The following SNED1 variants were observed in gnomAD, a reference collection of about 807,000 sequenced individuals.
SNED1 encodes the protein sushi, nidogen and EGF like domains 1, also known as sushi, nidogen and EGF-like domain-containing protein 1.
SNED1 carries 81 observed loss-of-function variants against 166.7 expected under a neutral mutation model. That is an observed-to-expected ratio of 0.49 (90% CI 0.41 to 0.58). The LOEUF is 0.58. Ranked by LOEUF, SNED1 falls within the 20% of genes least tolerant of loss-of-function variation. SNED1 has a pLI of 0.00. For synonymous variants in SNED1, 762 were observed against 822.0 expected (o/e 0.93, Z 1.25); for missense variants, 1,604 against 2,000.2 (o/e 0.80, Z 3.78).
At chr2:241,088,479 C>A in intron 31 of SNED1, 77 bp downstream of exon 31, 3 of 1,174,914 alleles carry the variant, frequency 2.6e-6, no homozygotes, top group Non-Finnish European at 2.6e-6. Context: ...CCCGGGATCT[C>A]AGAGTGCCGC....
intron 27 of SNED1, among the ~76,000 whole-genome samples, chr2:241,077,868 T>A (rs905484343): frequency 2.6e-5 from 4 of 152,180 alleles, no homozygotes; most frequent in Non-Finnish European, 5.9e-5. Flanking sequence ...CCCTCTACGC[T>A]GCTGGTGGGA....
At chr2:241,081,633 T>C (rs1461986338) in intron 27 of SNED1, 44 bp from the exon 28 acceptor site, 2 of 1,419,018 alleles carry the variant, frequency 1.4e-6, no homozygotes, top group East Asian at 2.5e-5. Context: ...GGCAGGCCTG[T>C]CCTGGGGTTC....
intron 1 of SNED1, among the ~76,000 whole-genome samples, chr2:241,005,592 A>G (rs746516763): frequency 1.9e-4 from 29 of 151,940 alleles, no homozygotes; most frequent in Admixed American, 2.6e-4. Flanking sequence ...ATAAATTATC[A>G]CTGTTTTTTT....
In SNED1 at chr2:240,999,324, C is replaced by T. The variant is rs1439013381; in HGVS notation, c.213+274C>T. 6.6e-6 allele frequency among the ~76,000 whole-genome samples: 1 copy of T among 152,012 alleles called. No individual in the cohort carries two copies. Among genetic ancestry groups the T allele is most frequent in the East Asian group, 1.9e-4 (1 of 5,166 alleles). On this transcript the variant is annotated intron_variant, in intron 1 of 31. Coordinates refer to ENST00000310397, the MANE Select transcript of SNED1 (RefSeq NM_001080437.3). The surrounding 1 kb of genome is among the most constrained non-coding windows in gnomAD (Gnocchi z 5.8). ...CGGCCCCTGCCAGACCTGCCGAGCG[C>T]GTCTTCCCGGCGCCTGATTCCCAGG...
chr2:241,050,685 G>A (rs2061810300), intron 12 of SNED1, among the ~76,000 whole-genome samples: 1 of 152,186 alleles, frequency 6.6e-6, no homozygotes, highest in African/African-American at 2.4e-5. Context: ...CCAACTGCTT[G>A]GTTCTTTGCA....
At chr2:241,045,995 A>T (rs2061634812) in intron 8 of SNED1, among the ~76,000 whole-genome samples, 1 of 152,232 alleles carries the variant, frequency 6.6e-6, no homozygotes, top group Non-Finnish European at 1.5e-5. Context: ...AAATGGACAA[A>T]AGACTTGAAC....
intron 2 of SNED1, among the ~76,000 whole-genome samples, chr2:241,032,471 C>T (rs2061210424): frequency 6.8e-6 from 1 of 146,942 alleles, no homozygotes; most frequent in South Asian, 2.2e-4. Context: ...ACATCACACA[C>T]CAGGGCCTGT....
chr2:241,021,260 G>A (rs2060765598), intron 1 of SNED1, among the ~76,000 whole-genome samples: 3 of 152,210 alleles, frequency 2.0e-5, no homozygotes, highest in Admixed American at 6.5e-5. Context: ...CAGGCTCAGA[G>A]GCCCCTCCCT....
At chr2:241,044,787 C>G (rs1000440430) in intron 8 of SNED1, among the ~76,000 whole-genome samples, 2 of 152,316 alleles carry the variant, frequency 1.3e-5, no homozygotes, top group Non-Finnish European at 2.9e-5. Flanking sequence ...TTTTCCCTTT[C>G]CTGTTGTTTT....
rs1444377191 is a variant in SNED1, at chr2:241,064,868, CCT to C, written c.2625_2626del (p.Cys876TrpfsTer63). The stretch of plus-strand genomic sequence containing the variant: ...GTGAGTGACCCCTGCTTCTCCAGCC[CCT>C]GTGGGGGCCGTGGCTATTGCCTGGC... On this transcript the variant is annotated frameshift_variant, in exon 20 of 32. Coordinates refer to ENST00000310397, the MANE Select transcript of SNED1 (RefSeq NM_001080437.3). LOFTEE classifies it high-confidence loss of function. The surrounding 1 kb of genome is among the most constrained non-coding windows in gnomAD (Gnocchi z 7.0). 1 of 1,589,200 alleles carries C rather than the reference CCT, an allele frequency of 6.3e-7. No individual in the cohort carries two copies. Among genetic ancestry groups the C allele is most frequent in the African/African-American group, 1.4e-5 (1 of 72,884 alleles).
chr2:241,036,718 G>A (rs560230546), intron 4 of SNED1, 72 bp from the exon 5 acceptor site: 45 of 1,581,616 alleles, frequency 2.8e-5, no homozygotes, highest in African/African-American at 2.3e-4. Context: ...GAAGGGAGAT[G>A]CGGATGGGAG....
intron 1 of SNED1, among the ~76,000 whole-genome samples, chr2:241,001,702 A>G (rs2060082529): frequency 6.6e-6 from 1 of 152,098 alleles, no homozygotes; most frequent in Non-Finnish European, 1.5e-5. Context: ...GGTGCAGGGA[A>G]TGAGAGACGA....
Position 241,040,359 on chromosome 2 carries a change from G to T in SNED1, c.1219G>T (p.Gly407Trp). ...LNGGSCVDLV[G>W]NYTCLCAEPF... ...TGGAGGCTCTTGTGTTGACCTAGTG[G>T]GGAATTACACCTGCTTGTGTGCCGA... The change falls in exon 8 of 32, where the codon GGG (glycine) becomes TGG (tryptophan). Residue 407 changes from glycine (G) to tryptophan (W), a missense_variant. Transcript: ENST00000310397. The T allele has an allele frequency of 6.2e-7, 1 of 1,609,300 alleles. No individual in the cohort carries two copies. The highest frequency in any genetic ancestry group is 8.5e-7 in the Non-Finnish European group (1 of 1,177,966).
At chr2:241,040,510 ACT>A (rs764367405) in intron 8 of SNED1, 97 bp downstream of exon 8, 1 of 740,338 alleles carries the variant, frequency 1.4e-6, no homozygotes, top group Non-Finnish European at 2.2e-6. Flanking sequence ...TTGCCATCTG[ACT>A]CACCTCACAC....
Position 241,051,576 on chromosome 2 carries a change from C to G in SNED1, c.1736-168C>G. On this transcript the variant is annotated intron_variant, in intron 12 of 31. Transcript: ENST00000310397. This position sits in a 1 kb window ranked among gnomAD's most constrained non-coding sequence, Gnocchi z 4.7. Reference sequence around the variant, plus strand: ...CCAGCCTGTGAGCCCCACCCCAGCCCCCACCATGTGTGCGGACCTGCTTGG... The same window carrying G: ...CCAGCCTGTGAGCCCCACCCCAGCCGCCACCATGTGTGCGGACCTGCTTGG... 1 of 491,002 alleles carries G rather than the reference C, an allele frequency of 2.0e-6. No individual in the cohort carries two copies. The highest frequency in any genetic ancestry group is 3.2e-5 in the East Asian group (1 of 31,302). The allele number at this position is 491,002 out of a possible 1,614,324, so 30.4% of individuals were successfully genotyped here.
intron 1 of SNED1, among the ~76,000 whole-genome samples, chr2:241,014,568 G>A (rs1342999926): frequency 6.6e-6 from 1 of 152,140 alleles, no homozygotes; most frequent in Non-Finnish European, 1.5e-5. Context: ...CATCTTTTGT[G>A]GAGTGACTGT....
chr2:241,070,564 G>A (rs1412636394), intron 24 of SNED1, among the ~76,000 whole-genome samples: 1 of 152,168 alleles, frequency 6.6e-6, no homozygotes, highest in South Asian at 2.1e-4. Context: ...CCTGACCCAC[G>A]AAGAGCCACT....
At chr2:241,044,117 A>G (rs35796965) in intron 8 of SNED1, among the ~76,000 whole-genome samples, 40,859 of 152,154 alleles carry the variant, frequency 0.27, 5,880 homozygotes, top group Middle Eastern at 0.35. Context: ...AAAAATACTC[A>G]ATCCAGAAGG....
chr2:241,063,583 G>A lies in SNED1; in HGVS notation c.2372-4G>A, dbSNP rs749211735. ...AACACCCTTGACACCCCTTCTCTGT[G>A]CAGAGAGGGATGAGTGCCGAGCTCA... is the stretch of plus-strand genomic sequence containing the variant. On this transcript the variant is annotated splice_polypyrimidine_tract_variant and splice_region_variant and intron_variant, in intron 17 of 31. Coordinates refer to ENST00000310397, the MANE Select transcript of SNED1 (RefSeq NM_001080437.3). 2 of 1,582,860 alleles carry A rather than the reference G, an allele frequency of 1.3e-6. No homozygotes were observed. The highest frequency in any genetic ancestry group is 2.3e-5 in the South Asian group (2 of 88,056).
Sources: gnomAD v4.1 joint callset for allele counts (sites outside exome capture counted in the v4.1 genomes callset) on GRCh38, gnomAD v4.1.1 for gene constraint, Gnocchi (gnomAD v3.1) non-coding constraint, MANE v1.5 for transcripts, NCBI Gene and HGNC (gene_info 2026-07-23, HGNC 2026-07-21) for gene names.